Variants in LINGO2 observed in about 807,000 individuals in gnomAD.
The protein encoded by LINGO2 is leucine-rich repeat and immunoglobulin-like domain-containing nogo receptor-interacting protein 2.
A neutral mutation model predicts 30.6 loss-of-function variants in LINGO2; 14 were observed. That is an observed-to-expected ratio of 0.46 (90% confidence interval 0.30 to 0.72). The LOEUF is 0.72. Among genes scored for constraint, LINGO2 ranks in the 30% least tolerant of loss-of-function variants. The pLI is 0.07. For synonymous variants in LINGO2, 317 were observed against 288.5 expected (o/e 1.10, Z -1.00); for missense variants, 729 against 751.7 (o/e 0.97, Z 0.35).
At chr9:28,581,240 CCT>C (rs1824243374) in intron 1 of LINGO2, among the ~76,000 whole-genome samples, 1 of 151,420 alleles carries the variant, frequency 6.6e-6, no homozygotes, top group Admixed American at 6.6e-5. Context: ...CATTTGTGTG[CCT>C]CTGTGTGTGT....
intron 5 of LINGO2, among the ~76,000 whole-genome samples, chr9:27,974,854 C>T (rs10812713): frequency 0.37 from 56,315 of 151,964 alleles, 10,606 homozygotes; most frequent in East Asian, 0.5. Context: ...TCAACCTGTT[C>T]GAGGAATTCC....
At chr9:28,099,397 A>G (rs1264869990) in intron 4 of LINGO2, among the ~76,000 whole-genome samples, 2 of 152,162 alleles carry the variant, frequency 1.3e-5, no homozygotes, top group African/African-American at 4.8e-5. Context: ...CTTATACCCT[A>G]ATGTTTGTTC....
the LINGO2 span, among the ~76,000 whole-genome samples, chr9:29,073,312 T>C: frequency 6.6e-6 from 1 of 152,102 alleles, no homozygotes; most frequent in African/African-American, 2.4e-5. Flanking sequence ...AGATAATGTA[T>C]TGCCATACAT....
At position 28,375,089 on chromosome 9, in the gene LINGO2, A is replaced by AACACACACACAC. The variant is rs137914726; in HGVS notation, c.-278-2233_-278-2222dup. ...ACCCCTTATCGCACACACACCCCTT[A>AACACACACACAC]ACACACACACACACACACACACACA... On this transcript the variant is annotated intron_variant, in intron 2 of 5. Coordinates refer to ENST00000379992, the Ensembl canonical transcript of LINGO2. Among the ~76,000 whole-genome samples the AACACACACACAC allele has an allele frequency of 6.3e-5, 9 of 141,826 alleles. No homozygotes were observed. In the East Asian group the frequency reaches 6.5e-4, roughly 10 times the overall value. 93.0% of individuals were successfully genotyped at this position (141,826 alleles called of 152,430 possible).
chr9:28,742,532 T>C, the LINGO2 span, among the ~76,000 whole-genome samples: 5 of 151,926 alleles, frequency 3.3e-5, no homozygotes, highest in African/African-American at 9.7e-5. Context: ...CAAGTTTATA[T>C]TGAGTTCCCT....
chr9:28,714,829 TTTATG>T, the LINGO2 span, among the ~76,000 whole-genome samples: 8 of 152,152 alleles, frequency 5.3e-5, no homozygotes, highest in South Asian at 2.1e-4. Context: ...TGCATTCTAC[TTTATG>T]TTATGTTTAG....
At chr9:28,297,537 T>C (rs1356441873) in intron 3 of LINGO2, among the ~76,000 whole-genome samples, 1 of 152,162 alleles carries the variant, frequency 6.6e-6, no homozygotes, top group African/African-American at 2.4e-5. Context: ...CAATATTACA[T>C]CCAATCAAGA....
chr9:28,391,212 A>T (rs923497096), intron 2 of LINGO2, among the ~76,000 whole-genome samples: 1 of 152,312 alleles, frequency 6.6e-6, no homozygotes, highest in African/African-American at 2.4e-5. Context: ...ATAAATCCAA[A>T]TAATCAGCAC....
At chr9:29,047,040 CA>C in the LINGO2 span, among the ~76,000 whole-genome samples, 28 of 66,976 alleles carry the variant, frequency 4.2e-4, 2 homozygotes, top group East Asian at 6.3e-4. Context: ...AAGACTGTCT[CA>C]AAAAAAAAAA....
At chr9:28,222,907 C>A (rs10968395) in intron 4 of LINGO2, among the ~76,000 whole-genome samples, 74,484 of 151,932 alleles carry the variant, frequency 0.49, 18,418 homozygotes, top group Middle Eastern at 0.6. Context: ...ATGGTACTCT[C>A]GGGGAACAGC....
intron 3 of LINGO2, among the ~76,000 whole-genome samples, chr9:28,317,813 T>C (rs1824897996): frequency 6.6e-6 from 1 of 152,164 alleles, no homozygotes; most frequent in Non-Finnish European, 1.5e-5. Context: ...CCCTGTCTGC[T>C]AATTTAAGTC....
chr9:28,788,062 C>A, the LINGO2 span, among the ~76,000 whole-genome samples: 1 of 151,840 alleles, frequency 6.6e-6, no homozygotes, highest in Admixed American at 6.6e-5. Flanking sequence ...GTCATCTGGG[C>A]AATTGAACAG....
intron 4 of LINGO2, among the ~76,000 whole-genome samples, chr9:28,150,517 G>A (rs1482990944): frequency 6.6e-6 from 1 of 152,200 alleles, no homozygotes; most frequent in African/African-American, 2.4e-5. Flanking sequence ...CCGGGAGGTG[G>A]AGGTTGCAGT....
At chr9:28,142,322 T>C (rs1031584603) in intron 4 of LINGO2, among the ~76,000 whole-genome samples, 5 of 152,124 alleles carry the variant, frequency 3.3e-5, no homozygotes, top group African/African-American at 1.2e-4. Context: ...TTCCTTAAAG[T>C]AAGTATTTTT....
the LINGO2 span, among the ~76,000 whole-genome samples, chr9:29,187,780 ATTTTTTTTT>A: frequency 8.3e-4 from 99 of 118,830 alleles, no homozygotes; most frequent in African/African-American, 2.8e-3. Flanking sequence ...ATACATTTCA[ATTTTTTTTT>A]TTTTTTTTTT....
rs926073314 is a variant in LINGO2 at position 28,497,245 on chromosome 9, G to T, written c.-364-21220C>A. On this transcript the variant is annotated intron_variant, in intron 1 of 5. Transcript: ENST00000379992. ...GGGAAGTTCTCCTGGATAATATCCT[G>T]CAGAGTGTTTTCCAACTTGGTTCCA... Among the ~76,000 whole-genome samples, 10 of 152,278 alleles carry T rather than the reference G, an allele frequency of 6.6e-5. 1 individual carries two copies. The highest frequency in any genetic ancestry group is 2.1e-4 in the South Asian group (1 of 4,822).
intron 4 of LINGO2, among the ~76,000 whole-genome samples, chr9:28,290,452 G>A (rs1823681055): frequency 6.6e-6 from 1 of 152,166 alleles, no homozygotes; most frequent in African/African-American, 2.4e-5. Flanking sequence ...AAGTGTTACA[G>A]AAACACCAGG....
chr9:28,763,614 A>G, the LINGO2 span, among the ~76,000 whole-genome samples: 3 of 151,828 alleles, frequency 2.0e-5, no homozygotes, highest in Non-Finnish European at 4.4e-5. Context: ...CTACATTTAT[A>G]CCTAAAGGAA....
At chr9:28,745,972 C>T in the LINGO2 span, among the ~76,000 whole-genome samples, 1 of 151,964 alleles carries the variant, frequency 6.6e-6, no homozygotes, top group Non-Finnish European at 1.5e-5. Flanking sequence ...ATAAAATATA[C>T]AAACTATCAA....
Sources: gnomAD v4.1 joint callset for allele counts (sites outside exome capture counted in the v4.1 genomes callset) on GRCh38, gnomAD v4.1.1 for gene constraint, MANE v1.5 for transcripts, NCBI Gene and HGNC (gene_info 2026-07-23, HGNC 2026-07-21) for gene names.